EPHB1: variants seen among roughly 807,000 people sequenced by gnomAD.
The protein encoded by EPHB1 is ephrin type-B receptor 1.
A neutral mutation model predicts 94.4 loss-of-function variants in EPHB1; 30 were observed. That is an observed-to-expected ratio of 0.32 (90% CI 0.24 to 0.43). The LOEUF is 0.43. EPHB1 is among the 20% of genes least tolerant of loss of function. The pLI, the probability that EPHB1 is intolerant of heterozygous loss-of-function variation, is 1.00. For missense variants in EPHB1, 1,055 were observed against 1,308.3 expected (o/e 0.81, Z 2.99); for synonymous variants, 522 against 489.1 (o/e 1.07, Z -0.89).
chr3:135,141,851 C>T (rs1940841455), intron 5 of EPHB1, among the ~76,000 whole-genome samples: 1 of 152,172 alleles, frequency 6.6e-6, no homozygotes, highest in South Asian at 2.1e-4. Context: ...CCCACAGGAC[C>T]ACAGGTCCTC....
chr3:135,259,735 T>A lies in EPHB1; in HGVS notation c.*615T>A. ...TAATGTCTTCATATTGAAGAAGAGATGTACCTTCAATTGAAAACCTCGTTT... is the reference window on the plus strand; with the variant it reads ...TAATGTCTTCATATTGAAGAAGAGAAGTACCTTCAATTGAAAACCTCGTTT... On this transcript the variant is annotated 3_prime_UTR_variant, in exon 16 of 16. Transcript: ENST00000398015. 4.8e-6 allele frequency: 1 copy of A among 208,730 alleles called. No individual in the cohort carries two copies. 12.9% of individuals were successfully genotyped at this position (208,730 alleles called of 1,614,324 possible). A position where few individuals can be genotyped will look rare whatever the true frequency, so the allele number is the denominator to read the frequency against.
At chr3:135,025,181 T>TC (rs1334859707) in intron 3 of EPHB1, among the ~76,000 whole-genome samples, 4 of 134,130 alleles carry the variant, frequency 3.0e-5, no homozygotes, top group African/African-American at 5.2e-5. Flanking sequence ...TTTTTTTTTT[T>TC]CAAGAAGGTT....
At chr3:134,904,822 T>A (rs1281376525) in intron 1 of EPHB1, among the ~76,000 whole-genome samples, 1 of 152,238 alleles carries the variant, frequency 6.6e-6, no homozygotes. Context: ...TTATACAATT[T>A]GTTCAAGCTT....
intron 14 of EPHB1, among the ~76,000 whole-genome samples, chr3:135,249,085 G>A (rs542000554): frequency 5.5e-4 from 84 of 152,250 alleles, no homozygotes; most frequent in African/African-American, 1.9e-3. Context: ...CAGACTGAAC[G>A]CTATGTCAAC....
intron 3 of EPHB1, among the ~76,000 whole-genome samples, chr3:135,024,505 A>G (rs1254700815): frequency 6.6e-6 from 1 of 152,150 alleles, no homozygotes; most frequent in Non-Finnish European, 1.5e-5. Flanking sequence ...GCCAGAATTT[A>G]AAAGTGTGCT....
intron 3 of EPHB1, among the ~76,000 whole-genome samples, chr3:134,965,910 TGGTG>T (rs1933725755): frequency 6.6e-6 from 1 of 152,202 alleles, no homozygotes; most frequent in Non-Finnish European, 1.5e-5. Context: ...TCCCAGGGGT[TGGTG>T]GCCTTGACTC....
At chr3:135,088,113 C>T (rs1938427261) in intron 3 of EPHB1, among the ~76,000 whole-genome samples, 1 of 152,136 alleles carries the variant, frequency 6.6e-6, no homozygotes, top group Non-Finnish European at 1.5e-5. Context: ...AGATATTCAT[C>T]TTGTCCCTTT....
chr3:135,102,292 C>T (rs1044570352), intron 3 of EPHB1, among the ~76,000 whole-genome samples: 1 of 152,200 alleles, frequency 6.6e-6, no homozygotes, highest in Non-Finnish European at 1.5e-5. Context: ...CTCCCGGCTG[C>T]TTTATATTCT....
chr3:134,956,277 A>G (rs1171429597), intron 3 of EPHB1, among the ~76,000 whole-genome samples: 3 of 152,076 alleles, frequency 2.0e-5, no homozygotes, highest in Admixed American at 1.3e-4. Flanking sequence ...CTGGAGCACT[A>G]TGCATATGTG....
chr3:135,106,248 C>A (rs1425663467), intron 3 of EPHB1, among the ~76,000 whole-genome samples, 200 bp from the exon 4 acceptor site: 4 of 152,146 alleles, frequency 2.6e-5, no homozygotes, highest in Admixed American at 2.0e-4. Flanking sequence ...TCATTGGTAC[C>A]AAGAAGATAT....
chr3:134,952,389 A>ACT (rs1559769375), intron 3 of EPHB1, among the ~76,000 whole-genome samples: 1 of 85,686 alleles, frequency 1.2e-5, no homozygotes, highest in Non-Finnish European at 2.3e-5. Flanking sequence ...ACACACACAC[A>ACT]CTCACACACA....
At chr3:135,081,323 G>A (rs181025568) in intron 3 of EPHB1, among the ~76,000 whole-genome samples, 1 of 152,314 alleles carries the variant, frequency 6.6e-6, no homozygotes, top group Admixed American at 6.5e-5. Flanking sequence ...TATGGAGGGT[G>A]GAGGGTGTTT....
At chr3:135,059,203 C>T (rs1455448836) in intron 3 of EPHB1, among the ~76,000 whole-genome samples, 1 of 152,168 alleles carries the variant, frequency 6.6e-6, no homozygotes, top group Non-Finnish European at 1.5e-5. Flanking sequence ...AACAAGTTTA[C>T]TTCTGAAGTA....
chr3:135,245,985 TCATGGAG>T (rs1442869219), intron 13 of EPHB1, among the ~76,000 whole-genome samples: 1 of 152,120 alleles, frequency 6.6e-6, no homozygotes, highest in African/African-American at 2.4e-5. Flanking sequence ...GCTGGTCACA[TCATGGAG>T]CTGCGCTCTC....
intron 15 of EPHB1, among the ~76,000 whole-genome samples, chr3:135,255,466 C>T (rs1466765867): frequency 1.4e-5 from 2 of 143,338 alleles, no homozygotes; most frequent in Non-Finnish European, 3.1e-5. Context: ...GCCTACATTT[C>T]GTTATGTACC....
At chr3:134,995,659 G>C (rs1321413604) in intron 3 of EPHB1, among the ~76,000 whole-genome samples, 1 of 152,184 alleles carries the variant, frequency 6.6e-6, no homozygotes, top group African/African-American at 2.4e-5. Flanking sequence ...AAATGCTGGT[G>C]AGAATGGAAA....
In EPHB1 at chr3:135,132,770, C is replaced by A. The variant is rs2107687198; in HGVS notation, c.1018C>A (p.Leu340Met). Residue 340 changes from leucine (L) to methionine (M), a missense_variant, in exon 5 of 16, where the codon CTG (leucine) becomes ATG (methionine). Transcript: ENST00000398015. ...ISIVNETSII[L>M]EWHPPRETGG... The stretch of plus-strand genomic sequence containing the variant: ...CATCGTCAATGAGACGTCCATCATT[C>A]TGGAGTGGCACCCTCCAAGGGAGAC... 1 of 1,612,682 alleles carries A rather than the reference C, an allele frequency of 6.2e-7. No homozygotes were observed. Among genetic ancestry groups the A allele is most frequent in the Non-Finnish European group, 8.5e-7 (1 of 1,178,864 alleles).
At chr3:135,251,743 G>T (rs556180042) in intron 15 of EPHB1, among the ~76,000 whole-genome samples, 1 of 152,330 alleles carries the variant, frequency 6.6e-6, no homozygotes, top group South Asian at 2.1e-4. Flanking sequence ...CAGCTGAAAA[G>T]GGCATGGTGT....
At chr3:135,143,323 G>C (rs1262243379) in intron 5 of EPHB1, among the ~76,000 whole-genome samples, 2 of 152,130 alleles carry the variant, frequency 1.3e-5, no homozygotes, top group African/African-American at 4.8e-5. Flanking sequence ...AGGAGGAGGG[G>C]CTCTGGACCT....
Sources: gnomAD v4.1 joint callset for allele counts (sites outside exome capture counted in the v4.1 genomes callset) on GRCh38, gnomAD v4.1.1 for gene constraint, MANE v1.5 for transcripts, NCBI Gene and HGNC (gene_info 2026-07-23, HGNC 2026-07-21) for gene names.